Variants in ST6GAL2 observed in about 807,000 individuals in gnomAD.
The protein encoded by ST6GAL2 is beta-galactoside alpha-2,6-sialyltransferase 2.
A neutral mutation model predicts 37.5 loss-of-function variants in ST6GAL2; 24 were observed. That is an observed-to-expected ratio of 0.64 (90% CI 0.46 to 0.90). The LOEUF (loss-of-function observed/expected upper bound fraction) is 0.90, where lower values mean the gene tolerates loss of function less well. Among genes scored for constraint, ST6GAL2 ranks in the 40% least tolerant of loss-of-function variants. ST6GAL2 has a pLI of 0.00. For missense variants in ST6GAL2, 715 were observed against 712.7 expected, an observed-to-expected ratio of 1.00 and a Z score of -0.04; for synonymous variants, 306 against 295.1, an observed-to-expected ratio of 1.04 and a Z score of -0.38.
At position 106,843,767 on chromosome 2, in the gene ST6GAL2, G is replaced by C. The variant is rs1237609883; in HGVS notation, c.211C>G (p.Pro71Ala). Residue 71 changes from proline (P) to alanine (A), a missense_variant, in exon 2 of 6, where the codon CCT (proline) becomes GCT (alanine). Coordinates refer to ENST00000409382, the MANE Select transcript of ST6GAL2 (RefSeq NM_001142351.2). ...IMGAAHEPSP[P>A]GGLDARQALP... ...GCCTGGCGTGCGTCCAGGCCCCCAG[G>C]CGGGGAGGGCTCATGTGCGGCGCCC... 4 of 1,609,878 alleles carry C rather than the reference G, an allele frequency of 2.5e-6. No homozygotes were observed. The highest frequency in any genetic ancestry group is 3.4e-6 in the Non-Finnish European group (4 of 1,177,910).
At chr2:106,823,442 A>AACACACACACACACACACACACAC (rs60795605) in intron 5 of ST6GAL2, among the ~76,000 whole-genome samples, 35 of 101,564 alleles carry the variant, frequency 3.4e-4, no homozygotes, top group East Asian at 1.4e-3. Flanking sequence ...CCCAGCAGAA[A>AACACACACACACACACACACACAC]ACACACACAC....
At chr2:106,821,938 C>G (rs1676019276) in intron 5 of ST6GAL2, among the ~76,000 whole-genome samples, 1 of 152,014 alleles carries the variant, frequency 6.6e-6, no homozygotes, top group Non-Finnish European at 1.5e-5. Context: ...GCTGAAAAAG[C>G]ATTTGAAAAA....
At position 106,875,989 on chromosome 2, in the gene ST6GAL2, G is replaced by A. The variant is rs115454081; in HGVS notation, c.-58+10104C>T. 3.1e-3 allele frequency among the ~76,000 whole-genome samples: 477 copies of A among 152,224 alleles called. 5 individuals are homozygous for A. The highest frequency in any genetic ancestry group is 0.011 in the African/African-American group (454 of 41,548). ...TAGATTTCTTTTTTTGTAAATAGATGAGGTCTCGTTCTGTCCCCAGGCTGA... is the reference window on the plus strand; with the variant it reads ...TAGATTTCTTTTTTTGTAAATAGATAAGGTCTCGTTCTGTCCCCAGGCTGA... On this transcript the variant is annotated intron_variant, in intron 1 of 5. Coordinates refer to ENST00000409382, the MANE Select transcript of ST6GAL2 (RefSeq NM_001142351.2).
At position 106,874,597 on chromosome 2, in the gene ST6GAL2, A is replaced by G. The variant is rs186786206; in HGVS notation, c.-58+11496T>C. ...GGGTATGCAGGAGGGGCAAGAGTGT[A>G]TGGAGACATCTGTAAAATAAATTCT... is the stretch of plus-strand genomic sequence containing the variant. On this transcript the variant is annotated intron_variant, in intron 1 of 5. Transcript: ENST00000409382. Among the ~76,000 whole-genome samples the G allele has an allele frequency of 3.3e-5, 5 of 152,306 alleles. No homozygotes were observed. In the East Asian group the frequency reaches 9.6e-4, roughly 29 times the overall value.
At chr2:106,836,725 C>T (rs1245490211) in intron 2 of ST6GAL2, among the ~76,000 whole-genome samples, 1 of 134,050 alleles carries the variant, frequency 7.5e-6, no homozygotes, top group Non-Finnish European at 1.5e-5. Flanking sequence ...GTTGGGAGTT[C>T]GAGACCAGCC....
At chr2:106,850,510 C>T (rs1381988726) in intron 1 of ST6GAL2, among the ~76,000 whole-genome samples, 1 of 152,132 alleles carries the variant, frequency 6.6e-6, no homozygotes, top group Non-Finnish European at 1.5e-5. Flanking sequence ...AATCCAAAAG[C>T]CTCCACTGCA....
intron 2 of ST6GAL2, among the ~76,000 whole-genome samples, chr2:106,838,673 C>T (rs923941090): frequency 2.6e-5 from 4 of 152,124 alleles, no homozygotes; most frequent in Non-Finnish European, 2.9e-5. Flanking sequence ...CCTTCATTTC[C>T]TTATCTGTAA....
intron 1 of ST6GAL2, among the ~76,000 whole-genome samples, chr2:106,869,903 G>A (rs531087142): frequency 6.6e-6 from 1 of 152,306 alleles, no homozygotes; most frequent in Non-Finnish European, 1.5e-5. Flanking sequence ...CAAGGCACCT[G>A]ACCTTTGAGC....
chr2:106,831,048 A>G (rs12611730), intron 4 of ST6GAL2, among the ~76,000 whole-genome samples: 37,487 of 152,132 alleles, frequency 0.25, 5,580 homozygotes, highest in East Asian at 0.49. Context: ...GAGAAGTTCA[A>G]CTCATCAAAC....
intron 5 of ST6GAL2, among the ~76,000 whole-genome samples, chr2:106,829,295 T>C (rs1676322008): frequency 6.6e-6 from 1 of 152,220 alleles, no homozygotes; most frequent in African/African-American, 2.4e-5. Flanking sequence ...TACCAGTTAC[T>C]AGGTGTTGGC....
chr2:106,834,298 T>TC, intron 2 of ST6GAL2, 152 bp from the exon 3 acceptor site: 2 of 618,012 alleles, frequency 3.2e-6, no homozygotes, highest in Non-Finnish European at 5.8e-6. Flanking sequence ...GAGAATTTAC[T>TC]CTTCACTGAG....
intron 5 of ST6GAL2, among the ~76,000 whole-genome samples, chr2:106,810,954 AAAAT>A (rs57102776): frequency 1.3e-5 from 2 of 151,450 alleles, no homozygotes; most frequent in African/African-American, 2.4e-5. Flanking sequence ...GCATCCTGTC[AAAAT>A]AAATAAATAA....
At chr2:106,882,680 T>C (rs1239430426) in intron 1 of ST6GAL2, among the ~76,000 whole-genome samples, 2 of 152,240 alleles carry the variant, frequency 1.3e-5, no homozygotes, top group Non-Finnish European at 2.9e-5. Flanking sequence ...TAAGGCTGTC[T>C]TTCTCCAGTG....
chr2:106,829,555 C>A (rs1459306287), intron 5 of ST6GAL2, among the ~76,000 whole-genome samples: 1 of 152,156 alleles, frequency 6.6e-6, no homozygotes, highest in Admixed American at 6.6e-5. Flanking sequence ...CACCAGATAA[C>A]CCCCATGGAT....
chr2:106,855,632 A>G (rs189415165), intron 1 of ST6GAL2, among the ~76,000 whole-genome samples: 3 of 149,728 alleles, frequency 2.0e-5, no homozygotes, highest in Non-Finnish European at 3.0e-5. Context: ...CAAAATATTA[A>G]TATGTGTTAC....
chr2:106,882,787 T>C (rs1678806663), intron 1 of ST6GAL2, among the ~76,000 whole-genome samples: 1 of 152,194 alleles, frequency 6.6e-6, no homozygotes, highest in East Asian at 1.9e-4. Flanking sequence ...CTTCTAGCTT[T>C]GTAAAGCCAC....
chr2:106,825,076 T>G (rs1351026540), intron 5 of ST6GAL2: 1 of 152,300 alleles, frequency 6.6e-6, no homozygotes, highest in Non-Finnish European at 1.5e-5. Context: ...TACAAAACTG[T>G]GACAGCCACC....
upstream of ST6GAL2, chr2:106,886,514 G>C (rs998274993): frequency 6.6e-6 from 1 of 151,876 alleles, no homozygotes; most frequent in Non-Finnish European, 1.5e-5. Flanking sequence ...AAAGCCGGCG[G>C]GAGGCTACGC....
chr2:106,813,110 G>A, intron 5 of ST6GAL2: 1 of 1,213,968 alleles, frequency 8.2e-7, no homozygotes, highest in Non-Finnish European at 1.0e-6. Context: ...TTCTTATATG[G>A]CCAGTTTTTT....
Sources: allele counts gnomAD v4.1 joint callset (sites outside exome capture counted in the v4.1 genomes callset), GRCh38; gene constraint gnomAD v4.1.1; transcripts MANE v1.5; gene names NCBI Gene and HGNC (gene_info 2026-07-23, HGNC 2026-07-21).